NCAM2: variants seen among roughly 807,000 people sequenced by gnomAD.
NCAM2 encodes the protein N-CAM-2.
NCAM2 carries 30 observed loss-of-function variants against 98.1 expected under a neutral mutation model. The ratio of observed to expected loss-of-function variants is 0.31; its 90% CI spans 0.23 to 0.41. The LOEUF (loss-of-function observed/expected upper bound fraction) is 0.41, where lower values mean the gene tolerates loss of function less well. NCAM2 is among the 10% of genes least tolerant of loss of function. NCAM2 has a pLI of 1.00. For synonymous variants in NCAM2, 368 were observed against 342.4 expected (o/e 1.07, Z -0.83); for missense variants, 867 against 1,005.8 (o/e 0.86, Z 1.87).
chr21:21,140,415 A>G (rs572447945), intron 1 of NCAM2, among the ~76,000 whole-genome samples: 5 of 152,258 alleles, frequency 3.3e-5, no homozygotes, highest in African/African-American at 2.4e-5. Context: ...CCTTCAATAA[A>G]TAATTCTTGG....
At chr21:21,070,213 A>G (rs1348899823) in intron 1 of NCAM2, among the ~76,000 whole-genome samples, 2 of 151,502 alleles carry the variant, frequency 1.3e-5, no homozygotes, top group Non-Finnish European at 2.9e-5. Flanking sequence ...CAAAAAATGA[A>G]CAACCCATTT....
At chr21:21,035,660 C>T (rs9980579) in intron 1 of NCAM2, among the ~76,000 whole-genome samples, 145,657 of 152,052 alleles carry the variant, frequency 0.96, 70,087 homozygotes, top group East Asian at 1. Context: ...AATTCTTACC[C>T]AGCTCAATTA....
chr21:21,334,791 C>T lies in NCAM2; in HGVS notation c.738-714C>T, dbSNP rs553583333. 2.0e-4 allele frequency among the ~76,000 whole-genome samples: 31 copies of T among 151,760 alleles called. 1 individual carries two copies. In the South Asian group the frequency reaches 6.0e-3, roughly 30 times the overall value. On this transcript the variant is annotated intron_variant, in intron 6 of 17. Coordinates refer to ENST00000400546, the MANE Select transcript of NCAM2 (RefSeq NM_004540.5). Reference sequence around the variant, plus strand: ...ATTATAGTAAAAAATGTTTGAAAGCCGTGGTTGGTTTTAAAGGACAACTTA... The same window carrying T: ...ATTATAGTAAAAAATGTTTGAAAGCTGTGGTTGGTTTTAAAGGACAACTTA...
At chr21:21,074,835 GT>G (rs1406282576) in intron 1 of NCAM2, among the ~76,000 whole-genome samples, 1 of 152,126 alleles carries the variant, frequency 6.6e-6, no homozygotes, top group Non-Finnish European at 1.5e-5. Context: ...GTTGATGGTG[GT>G]GATGGTTTTA....
chr21:21,192,577 A>C (rs1354862322), intron 1 of NCAM2, among the ~76,000 whole-genome samples: 2 of 152,202 alleles, frequency 1.3e-5, no homozygotes, highest in Non-Finnish European at 2.9e-5. Context: ...CAAAAAGTTT[A>C]GCTGAACAGG....
chr21:21,200,093 G>C (rs2069155215), intron 1 of NCAM2, among the ~76,000 whole-genome samples: 1 of 151,940 alleles, frequency 6.6e-6, no homozygotes, highest in Non-Finnish European at 1.5e-5. Flanking sequence ...AATTCTCAAG[G>C]AGGCAGCCCA....
intron 1 of NCAM2, among the ~76,000 whole-genome samples, chr21:21,247,008 A>T (rs775488942): frequency 9.9e-6 from 1 of 101,248 alleles, no homozygotes; most frequent in African/African-American, 3.7e-5. Context: ...AGTCTGTCTC[A>T]TAGAGTTTAA....
intron 1 of NCAM2, among the ~76,000 whole-genome samples, chr21:21,009,179 G>C (rs565221791): frequency 6.6e-6 from 1 of 152,006 alleles, no homozygotes. Flanking sequence ...AATATTACCC[G>C]GCAGAAGCCA....
At chr21:21,303,294 A>G (rs886832981) in intron 5 of NCAM2, among the ~76,000 whole-genome samples, 20 of 152,068 alleles carry the variant, frequency 1.3e-4, no homozygotes, top group Admixed American at 1.3e-3. Context: ...ATGAAATGCT[A>G]AAAAAGATAG....
chr21:21,524,253 T>C (rs954062774), intron 16 of NCAM2, among the ~76,000 whole-genome samples: 20 of 152,046 alleles, frequency 1.3e-4, no homozygotes, highest in Non-Finnish European at 2.9e-5. Context: ...CTAATCATAA[T>C]GGGGTCATTT....
Position 21,538,102 on chromosome 21 carries a change from T to G in NCAM2, c.*145T>G. ...TACACATATACATATGATCAAATAC[T>G]CCTGCCCATGATCCATTCCCTTTTG... is the stretch of plus-strand genomic sequence containing the variant. On this transcript the variant is annotated 3_prime_UTR_variant, in exon 18 of 18. Coordinates refer to ENST00000400546, the MANE Select transcript of NCAM2 (RefSeq NM_004540.5). 2 of 410,024 alleles carry G rather than the reference T, an allele frequency of 4.9e-6. No homozygotes were observed. Among genetic ancestry groups the G allele is most frequent in the Non-Finnish European group, 8.9e-6 (2 of 224,614 alleles). The allele number at this position is 410,024 out of a possible 1,614,324, so 25.4% of individuals were successfully genotyped here. A position where few individuals can be genotyped will look rare whatever the true frequency, so the allele number is the denominator to read the frequency against.
intron 12 of NCAM2, among the ~76,000 whole-genome samples, chr21:21,457,081 T>C (rs1046742255): frequency 9.9e-5 from 15 of 152,086 alleles, no homozygotes; most frequent in African/African-American, 3.6e-4. Flanking sequence ...GGGTTTAGAA[T>C]TGGGTAATGG....
chr21:21,494,233 A>G (rs1464293895), intron 15 of NCAM2, among the ~76,000 whole-genome samples: 1 of 151,972 alleles, frequency 6.6e-6, no homozygotes, highest in Non-Finnish European at 1.5e-5. Context: ...ACTTTCGAAA[A>G]CAAATTATAA....
At chr21:21,490,376 C>T (rs2146305711) in intron 15 of NCAM2, among the ~76,000 whole-genome samples, 1 of 152,024 alleles carries the variant, frequency 6.6e-6, no homozygotes, top group African/African-American at 2.4e-5. Context: ...TAGAATTAAA[C>T]TTAATTTTAA....
At chr21:21,105,514 A>G (rs960298526) in intron 1 of NCAM2, among the ~76,000 whole-genome samples, 1 of 152,136 alleles carries the variant, frequency 6.6e-6, no homozygotes, top group African/African-American at 2.4e-5. Flanking sequence ...TATCCTTCAT[A>G]TACATGATTG....
chr21:21,203,443 AT>A (rs1405265642), intron 1 of NCAM2, among the ~76,000 whole-genome samples: 1 of 152,122 alleles, frequency 6.6e-6, no homozygotes, highest in Non-Finnish European at 1.5e-5. Context: ...ATTTAATGGC[AT>A]TTGTTTTTGC....
At chr21:21,331,179 T>G (rs376374157) in intron 6 of NCAM2, among the ~76,000 whole-genome samples, 1 of 152,000 alleles carries the variant, frequency 6.6e-6, no homozygotes, top group African/African-American at 2.4e-5. Context: ...AGATTCTCGC[T>G]CTGCCACCTG....
chr21:21,278,979 C>T (rs2072830461), intron 1 of NCAM2, among the ~76,000 whole-genome samples: 1 of 152,086 alleles, frequency 6.6e-6, no homozygotes, highest in African/African-American at 2.4e-5. Flanking sequence ...GGCCTTATTT[C>T]ACCATGTGTT....
intron 1 of NCAM2, among the ~76,000 whole-genome samples, chr21:21,199,511 G>C (rs2069130804): frequency 6.6e-6 from 1 of 152,158 alleles, no homozygotes; most frequent in Non-Finnish European, 1.5e-5. Flanking sequence ...GCATGCTCCT[G>C]TCTAGGGTCT....
Sources: allele counts gnomAD v4.1 joint callset (sites outside exome capture counted in the v4.1 genomes callset), GRCh38; gene constraint gnomAD v4.1.1; transcripts MANE v1.5; gene names NCBI Gene and HGNC (gene_info 2026-07-23, HGNC 2026-07-21).